MAPK10: variants seen among roughly 807,000 people sequenced by gnomAD.
MAPK10 encodes the protein mitogen-activated protein kinase 10, also known as JNK3 alpha protein kinase.
Under a neutral mutation model 59.3 loss-of-function variants are expected in MAPK10, and 25 were observed. The observed-to-expected ratio is 0.42, with a 90% CI of 0.31 to 0.59. The LOEUF (loss-of-function observed/expected upper bound fraction) is 0.59. Among genes scored for constraint, MAPK10 ranks in the 20% least tolerant of loss-of-function variants. MAPK10 has a pLI of 0.15. For missense variants in MAPK10, 351 were observed against 568.9 expected (o/e 0.62, Z 3.90); for synonymous variants, 190 against 200.5 (o/e 0.95, Z 0.44).
chr4:86,486,275 G>A (rs1438542060), intron 1 of MAPK10, among the ~76,000 whole-genome samples: 1 of 152,006 alleles, frequency 6.6e-6, no homozygotes, highest in East Asian at 1.9e-4. Context: ...CTCCAGCCAG[G>A]GCAACACAGC....
chr4:86,572,306 T>C (rs1016147343), intron 1 of MAPK10, among the ~76,000 whole-genome samples: 4 of 152,188 alleles, frequency 2.6e-5, no homozygotes, highest in African/African-American at 4.8e-5. Context: ...CCTTGCTCAT[T>C]TGTGTTTCTT....
chr4:86,033,347 A>G (rs1468599500), intron 11 of MAPK10, among the ~76,000 whole-genome samples: 2 of 152,198 alleles, frequency 1.3e-5, no homozygotes, highest in Non-Finnish European at 1.5e-5. Flanking sequence ...CAGTGTACAT[A>G]AGCTCTCAGA....
intron 1 of MAPK10, among the ~76,000 whole-genome samples, chr4:86,451,247 A>G (rs1465020572): frequency 1.3e-5 from 2 of 152,184 alleles, no homozygotes; most frequent in African/African-American, 4.8e-5. Flanking sequence ...TTAAGTTTTT[A>G]TGTCCTACAC....
intron 2 of MAPK10, among the ~76,000 whole-genome samples, chr4:86,207,043 T>G (rs2084244182): frequency 1.3e-5 from 2 of 151,722 alleles, no homozygotes; most frequent in Admixed American, 6.6e-5. Context: ...AGAAGCTCTT[T>G]AGTTTAATTA....
chr4:86,468,908 T>C (rs997239885), intron 1 of MAPK10, among the ~76,000 whole-genome samples: 2 of 151,896 alleles, frequency 1.3e-5, no homozygotes, highest in African/African-American at 2.4e-5. Context: ...ACTCAACTCA[T>C]AGCAACTGTG....
intron 1 of MAPK10, among the ~76,000 whole-genome samples, chr4:86,359,287 T>TCTCTCTCTCTCTCC (rs1173944873): frequency 4.2e-4 from 54 of 128,462 alleles, no homozygotes; most frequent in African/African-American, 1.4e-3. Flanking sequence ...TCTCTCTCTC[T>TCTCTCTCTCTCTCC]CTGTGTGTGT....
chr4:86,019,541 G>C (rs1745261547), intron 13 of MAPK10, among the ~76,000 whole-genome samples: 1 of 152,060 alleles, frequency 6.6e-6, no homozygotes, highest in Admixed American at 6.6e-5. Flanking sequence ...CTCATGATAA[G>C]ATTTTATCTC....
intron 1 of MAPK10, among the ~76,000 whole-genome samples, chr4:86,432,688 T>G (rs949572379): frequency 3.3e-5 from 5 of 152,168 alleles, no homozygotes; most frequent in African/African-American, 1.2e-4. Context: ...CTGGATCCAA[T>G]GATAGGACTT....
intron 2 of MAPK10, among the ~76,000 whole-genome samples, chr4:86,254,873 G>T (rs28536101): frequency 0.029 from 4,405 of 152,078 alleles, 148 homozygotes; most frequent in African/African-American, 0.081. Context: ...AAAAATTGGG[G>T]TTTTTGTAAG....
chr4:86,428,436 T>A (rs1027901093), intron 1 of MAPK10, among the ~76,000 whole-genome samples: 1 of 152,104 alleles, frequency 6.6e-6, no homozygotes, highest in Non-Finnish European at 1.5e-5. Context: ...TGGGATTACA[T>A]GCATGAGCCA....
intron 1 of MAPK10, among the ~76,000 whole-genome samples, chr4:86,412,645 T>G (rs571137568): frequency 2.0e-4 from 31 of 152,314 alleles, no homozygotes; most frequent in Non-Finnish European, 3.8e-4. Context: ...TTTATTTCAT[T>G]TATTTGATCT....
intron 3 of MAPK10, among the ~76,000 whole-genome samples, chr4:86,168,726 C>G (rs1436405493): frequency 6.6e-6 from 1 of 152,102 alleles, no homozygotes; most frequent in South Asian, 2.1e-4. Flanking sequence ...TCCCAGCACA[C>G]AGCTGGAGAT....
intron 4 of MAPK10, among the ~76,000 whole-genome samples, chr4:86,134,973 C>T (rs1449340017): frequency 6.6e-6 from 1 of 152,222 alleles, no homozygotes; most frequent in South Asian, 2.1e-4. Flanking sequence ...CTGCGCTTTT[C>T]CGACGGGCTT....
At chr4:86,176,651 A>AT (rs937371748) in intron 3 of MAPK10, among the ~76,000 whole-genome samples, 10 of 151,958 alleles carry the variant, frequency 6.6e-5, no homozygotes, top group African/African-American at 2.4e-4. Flanking sequence ...TTTTAGAAAA[A>AT]AACTGCTCAG....
At chr4:86,323,106 G>A (rs893299774) in intron 2 of MAPK10, among the ~76,000 whole-genome samples, 3 of 152,170 alleles carry the variant, frequency 2.0e-5, no homozygotes, top group Non-Finnish European at 4.4e-5. Context: ...CCTGGGAGGC[G>A]AAGGTTGCAG....
chr4:86,129,082 T>G (rs1333019752), intron 4 of MAPK10, among the ~76,000 whole-genome samples: 1 of 152,150 alleles, frequency 6.6e-6, no homozygotes, highest in Non-Finnish European at 1.5e-5. Context: ...GAGTTGATGA[T>G]AGAAAAATAA....
intron 2 of MAPK10, among the ~76,000 whole-genome samples, chr4:86,321,651 G>T (rs2095895035): frequency 6.7e-6 from 1 of 150,228 alleles, no homozygotes; most frequent in Non-Finnish European, 1.5e-5. Context: ...CGAGTTAATG[G>T]GTGCAACACA....
intron 4 of MAPK10, among the ~76,000 whole-genome samples, chr4:86,112,348 C>G (rs920965205): frequency 2.0e-5 from 3 of 151,994 alleles, no homozygotes; most frequent in Non-Finnish European, 2.9e-5. Context: ...AAAGTGGGCA[C>G]TTAGAGCTAT....
chr4:86,087,324 A>G (rs1338933261), intron 9 of MAPK10, among the ~76,000 whole-genome samples: 1 of 152,194 alleles, frequency 6.6e-6, no homozygotes, highest in Non-Finnish European at 1.5e-5. Context: ...AAGTTAACAA[A>G]TTGAGTCTAT....
Sources: allele counts gnomAD v4.1 joint callset (sites outside exome capture counted in the v4.1 genomes callset), GRCh38; gene constraint gnomAD v4.1.1; transcripts MANE v1.5; gene names NCBI Gene and HGNC (gene_info 2026-07-23, HGNC 2026-07-21).